The following KIAA1217 variants were observed in gnomAD, a reference collection of about 807,000 sequenced individuals.
KIAA1217 encodes the protein KIAA1217.
KIAA1217 carries 88 observed loss-of-function variants against 163.9 expected under a neutral mutation model. The ratio of observed to expected loss-of-function variants is 0.54; its 90% CI spans 0.45 to 0.64. The LOEUF (loss-of-function observed/expected upper bound fraction) is 0.64, where lower values mean the gene tolerates loss of function less well. KIAA1217 is among the 30% of genes least tolerant of loss of function. The pLI is 0.00. For missense variants in KIAA1217, 2,372 were observed against 2,475.0 expected, an observed-to-expected ratio of 0.96 and a Z score of 0.88; for synonymous variants, 903 against 923.1, an observed-to-expected ratio of 0.98 and a Z score of 0.39.
chr10:24,440,034 C>G (rs537589225), intron 5 of KIAA1217, among the ~76,000 whole-genome samples: 16 of 152,176 alleles, frequency 1.1e-4, no homozygotes, highest in Non-Finnish European at 2.1e-4. Context: ...GAAGGTCTGT[C>G]CTTCTGGACT....
intron 2 of KIAA1217, among the ~76,000 whole-genome samples, chr10:24,175,023 ATT>A (rs56155837): frequency 1.3e-5 from 2 of 148,696 alleles, no homozygotes; most frequent in African/African-American, 4.9e-5. Context: ...TGCCTGGCTA[ATT>A]TTTTTTTTTT....
At chr10:24,068,135 A>G (rs946006559) in intron 2 of KIAA1217, among the ~76,000 whole-genome samples, 12 of 152,132 alleles carry the variant, frequency 7.9e-5, no homozygotes, top group Non-Finnish European at 1.8e-4. Flanking sequence ...TGCATGGTGC[A>G]CTGCACCCAC....
intron 1 of KIAA1217, among the ~76,000 whole-genome samples, chr10:23,815,021 T>C (rs1588876430): frequency 6.6e-6 from 1 of 152,184 alleles, no homozygotes; most frequent in East Asian, 1.9e-4. Context: ...AGTGAAAATA[T>C]GAAGATTCTT....
rs10562687 is a variant in KIAA1217, at chr10:24,193,801, TACACACACACACAC to T, written c.-170-25793_-170-25780del. Among the ~76,000 whole-genome samples the T allele has an allele frequency of 6.0e-4, 86 of 142,376 alleles. 2 individuals carry two copies. Among genetic ancestry groups the T allele is most frequent in the Admixed American group, 4.2e-3 (60 of 14,174 alleles). The allele number at this position is 142,376 out of a possible 152,430, so 93.4% of individuals were successfully genotyped here. A position where few individuals can be genotyped will look rare whatever the true frequency, so the allele number is the denominator to read the frequency against. On this transcript the variant is annotated intron_variant, in intron 2 of 18. Transcript: ENST00000376462. Reference sequence around the variant, plus strand: ...TATGAACTCCATCTGCAGCGTTTTCTACACACACACACACACACACACACACACACACACACACA... The same window carrying T: ...TATGAACTCCATCTGCAGCGTTTTCTACACACACACACACACACACACACA...
chr10:24,146,032 G>T (rs1004354803), intron 2 of KIAA1217, among the ~76,000 whole-genome samples: 1 of 152,152 alleles, frequency 6.6e-6, no homozygotes, highest in Non-Finnish European at 1.5e-5. Flanking sequence ...CAATCAAGTT[G>T]ACACTCAATA....
At chr10:24,375,555 T>C (rs915276446) in intron 2 of KIAA1217, among the ~76,000 whole-genome samples, 1 of 152,254 alleles carries the variant, frequency 6.6e-6, no homozygotes, top group Non-Finnish European at 1.5e-5. Context: ...TCTCTTCAAC[T>C]GAAATCAGAA....
chr10:24,486,555 C>T (rs942288219), intron 6 of KIAA1217, among the ~76,000 whole-genome samples: 2 of 152,182 alleles, frequency 1.3e-5, no homozygotes, highest in Non-Finnish European at 2.9e-5. Context: ...ACTGCAGGCA[C>T]ACTGGCCTCC....
intron 10 of KIAA1217, among the ~76,000 whole-genome samples, chr10:24,515,619 T>C (rs934246960): frequency 6.6e-6 from 1 of 152,120 alleles, no homozygotes; most frequent in African/African-American, 2.4e-5. Context: ...GGCAACCTGA[T>C]AAATAGGAGT....
intron 2 of KIAA1217, among the ~76,000 whole-genome samples, chr10:24,341,708 T>C (rs2047124231): frequency 2.6e-5 from 4 of 152,358 alleles, no homozygotes; most frequent in East Asian, 3.9e-4. Flanking sequence ...AGCATGAAAC[T>C]GGTTTTCAGG....
intron 1 of KIAA1217, among the ~76,000 whole-genome samples, chr10:23,823,618 G>C (rs1285409552): frequency 2.0e-5 from 3 of 152,078 alleles, no homozygotes; most frequent in African/African-American, 7.2e-5. Flanking sequence ...ATTAGGGCGT[G>C]GATATGTTTG....
At chr10:23,922,259 G>C (rs1158367414) in intron 1 of KIAA1217, among the ~76,000 whole-genome samples, 1 of 152,022 alleles carries the variant, frequency 6.6e-6, no homozygotes, top group South Asian at 2.1e-4. Flanking sequence ...CCCCAGAGAG[G>C]GTATAAAAAT....
intron 11 of KIAA1217, 55 bp from the exon 12 acceptor site, chr10:24,521,726 AG>A: frequency 1.3e-6 from 2 of 1,576,044 alleles, no homozygotes; most frequent in Non-Finnish European, 1.7e-6. Flanking sequence ...GTGCGGGATG[AG>A]GGTTGTCGTT....
chr10:24,269,099 A>G (rs1304423305), intron 2 of KIAA1217, among the ~76,000 whole-genome samples: 2 of 144,974 alleles, frequency 1.4e-5, no homozygotes, highest in Non-Finnish European at 3.0e-5. Flanking sequence ...TGGGAGATAT[A>G]CCTAATGCTA....
At chr10:24,129,306 G>A (rs2063571294) in intron 2 of KIAA1217, among the ~76,000 whole-genome samples, 1 of 152,128 alleles carries the variant, frequency 6.6e-6, no homozygotes. Flanking sequence ...ATCTACTCAA[G>A]GGCATCAGAG....
intron 1 of KIAA1217, among the ~76,000 whole-genome samples, chr10:23,948,114 C>A (rs1329771309): frequency 3.3e-5 from 5 of 152,028 alleles, no homozygotes; most frequent in Non-Finnish European, 7.4e-5. Context: ...TTTATTGCAC[C>A]AGTGGGAACC....
chr10:24,471,141 T>C (rs2063469948), intron 5 of KIAA1217, among the ~76,000 whole-genome samples: 1 of 152,196 alleles, frequency 6.6e-6, no homozygotes, highest in Non-Finnish European at 1.5e-5. Context: ...TTCAACCTTC[T>C]CCTGGTGCCT....
At chr10:24,457,206 A>G (rs907909427) in intron 5 of KIAA1217, among the ~76,000 whole-genome samples, 8 of 152,164 alleles carry the variant, frequency 5.3e-5, no homozygotes, top group African/African-American at 1.4e-4. Flanking sequence ...GATAATGCAA[A>G]GATAAAAAGA....
chr10:23,989,980 C>G (rs1846147799), intron 1 of KIAA1217, among the ~76,000 whole-genome samples: 1 of 152,182 alleles, frequency 6.6e-6, no homozygotes, highest in African/African-American at 2.4e-5. Flanking sequence ...GTGCCTTGGT[C>G]AGATCTAGCA....
At chr10:24,395,567 T>G (rs1225862428) in intron 3 of KIAA1217, among the ~76,000 whole-genome samples, 1 of 152,232 alleles carries the variant, frequency 6.6e-6, no homozygotes, top group Non-Finnish European at 1.5e-5. Flanking sequence ...GAAAGTTCCC[T>G]TGGAACAAGA....
Sources: gnomAD v4.1 joint callset for allele counts (sites outside exome capture counted in the v4.1 genomes callset) on GRCh38, gnomAD v4.1.1 for gene constraint, MANE v1.5 for transcripts, NCBI Gene and HGNC (gene_info 2026-07-23, HGNC 2026-07-21) for gene names.